The following STYXL2 variants were observed in gnomAD, a reference collection of about 807,000 sequenced individuals.
STYXL2 encodes serine/threonine/tyrosine interacting like 2.
Under a neutral mutation model 52.4 loss-of-function variants are expected in STYXL2, and 44 were observed. The observed-to-expected ratio is 0.84, with a 90% CI of 0.66 to 1.08. The LOEUF is 1.08. Ranked by LOEUF, STYXL2 falls within the 50% of genes least tolerant of loss-of-function variation. The pLI, the probability that STYXL2 is intolerant of heterozygous loss-of-function variation, is 0.00. For synonymous variants in STYXL2, 604 were observed against 586.9 expected (o/e 1.03, Z -0.42); for missense variants, 1,604 against 1,471.7 (o/e 1.09, Z -1.47).
chr1:167,110,225 A>T (rs1667588901), intron 2 of STYXL2, among the ~76,000 whole-genome samples: 2 of 152,236 alleles, frequency 1.3e-5, no homozygotes, highest in Admixed American at 1.3e-4. Flanking sequence ...TCTGAACAGT[A>T]GCCCTTGAGC....
Position 167,126,773 on chromosome 1 carries a change from A to C in STYXL2, c.1642A>C (p.Lys548Gln). 1.2e-6 allele frequency: 2 copies of C among 1,614,200 alleles called. No homozygotes were observed. Among genetic ancestry groups the C allele is most frequent in the Non-Finnish European group, 1.7e-6 (2 of 1,180,042 alleles). ...KDKLTALERWKIKRIQFGFHK... is the reference protein window; with the variant it reads ...KDKLTALERWQIKRIQFGFHK... ...CAAGCTCACTGCCCTGGAAAGATGG[A>C]AGATCAAGAGAATCCAATTTGGATT... The change falls in exon 6 of 6, where the codon AAG becomes CAG. Residue 548 changes from lysine (K) to glutamine (Q), a missense_variant. By Grantham distance (53) the Lys-to-Gln change is moderately conservative. Coordinates refer to ENST00000361200, the MANE Select transcript of STYXL2 (RefSeq NM_001080426.3).
chr1:167,098,201 G>C (rs181264513), intron 2 of STYXL2, among the ~76,000 whole-genome samples: 1 of 151,838 alleles, frequency 6.6e-6, no homozygotes, highest in Non-Finnish European at 1.5e-5. Flanking sequence ...TAGTAGAGAC[G>C]GGGTTTCACC....
chr1:167,119,232 C>T lies in STYXL2; in HGVS notation c.438-17C>T, dbSNP rs373687422. 44 of 1,612,910 alleles carry T rather than the reference C, an allele frequency of 2.7e-5. No homozygotes were observed. In the African/African-American group the frequency reaches 4.1e-4, roughly 15 times the overall value. ...TAGTTCCGACTCTTGCAAACAGGTC[C>T]CTGCCTCTTCCCGCAGGAGTGTGGC... On this transcript the variant is annotated splice_polypyrimidine_tract_variant and intron_variant, in intron 4 of 5. Coordinates refer to ENST00000361200, the MANE Select transcript of STYXL2 (RefSeq NM_001080426.3).
At position 167,128,516 on chromosome 1, in the gene STYXL2, G is replaced by A; in HGVS notation, c.3385G>A (p.Glu1129Lys). Reference sequence around the variant, plus strand: ...TCGGAGAAGCACTGACAGGGAGGAAGAGGAAGAAATGGACGATGAAGCCAT... The same window carrying A: ...TCGGAGAAGCACTGACAGGGAGGAAAAGGAAGAAATGGACGATGAAGCCAT... ...QYRRSTDREEEEEMDDEAIIA... is the reference protein window; with the variant it reads ...QYRRSTDREEKEEMDDEAIIA... Residue 1129 changes from glutamate (E) to lysine (K), a missense_variant, in exon 6 of 6, where the codon GAG (glutamate) becomes AAG (lysine). Glu to Lys is a moderately conservative substitution (Grantham distance 56, BLOSUM62 1). Transcript: ENST00000361200. 1 of 1,614,050 alleles carries A rather than the reference G, an allele frequency of 6.2e-7. No homozygotes were observed. Among genetic ancestry groups the A allele is most frequent in the Non-Finnish European group, 8.5e-7 (1 of 1,180,032 alleles).
chr1:167,094,895 G>C lies in STYXL2; in HGVS notation c.46G>C (p.Glu16Gln), dbSNP rs779308775. ...DTEEEQVVPS[E>Q]EDEANVRAVQ... The stretch of plus-strand genomic sequence containing the variant: ...AGAGGAGGAGCAGGTAGTCCCAAGC[G>C]AGGAGGACGAAGCCAACGTGAGGGC... Residue 16 changes from glutamate to glutamine, a missense_variant, in exon 2 of 6, where the codon GAG becomes CAG. Physicochemically the swap from Glu to Gln is conservative, Grantham distance 29. Coordinates refer to ENST00000361200, the MANE Select transcript of STYXL2 (RefSeq NM_001080426.3). The C allele has an allele frequency of 1.9e-6, 3 of 1,613,336 alleles. No individual in the cohort carries two copies. The highest frequency in any genetic ancestry group is 2.5e-6 in the Non-Finnish European group (3 of 1,179,826).
In STYXL2 at chr1:167,127,296, G is replaced by T; in HGVS notation, c.2165G>T (p.Ser722Ile). ...CCTGGAGACACCATTTCCATTGCCA[G>T]TATCCAGAACTGGATTGCCAATGTA... ...VGPGDTISIA[S>I]IQNWIANVVS... is the part of the protein sequence containing the mutation. Residue 722 changes from serine (S) to isoleucine (I), a missense_variant, in exon 6 of 6, where the codon AGT becomes ATT. Physicochemically the swap from Ser to Ile is moderately radical, Grantham distance 142 (BLOSUM62 -2). Coordinates refer to ENST00000361200, the MANE Select transcript of STYXL2 (RefSeq NM_001080426.3). 1 of 1,614,224 alleles carries T rather than the reference G, an allele frequency of 6.2e-7. No individual in the cohort carries two copies. The highest frequency in any genetic ancestry group is 8.5e-7 in the Non-Finnish European group (1 of 1,180,050).
At chr1:167,114,025 G>A (rs1195595189) in intron 3 of STYXL2, among the ~76,000 whole-genome samples, 1 of 152,182 alleles carries the variant, frequency 6.6e-6, no homozygotes, top group Admixed American at 6.5e-5. Context: ...AACCAGAGAG[G>A]CAGCACCAAT....
chr1:167,122,507 G>A (rs1429708235), intron 5 of STYXL2, among the ~76,000 whole-genome samples: 2 of 152,094 alleles, frequency 1.3e-5, no homozygotes, highest in East Asian at 3.9e-4. Context: ...TACAGGTGTG[G>A]AGGGGGATAC....
chr1:167,126,671 A>G lies in STYXL2; in HGVS notation c.1540A>G (p.Arg514Gly). ...AGACAGGAGCTCAGAAGCAGGGAGC[A>G]GGGTGCGGGAGGATGATGAGGACAG... ...AADRSSEAGS[R>G]VREDDEDSVG... Residue 514 changes from arginine (R) to glycine (G), a missense_variant, in exon 6 of 6, where the codon AGG becomes GGG. Coordinates refer to ENST00000361200, the MANE Select transcript of STYXL2 (RefSeq NM_001080426.3). 1 of 1,614,158 alleles carries G rather than the reference A, an allele frequency of 6.2e-7. No individual in the cohort carries two copies. Among genetic ancestry groups the G allele is most frequent in the Non-Finnish European group, 8.5e-7 (1 of 1,180,018 alleles).
intron 2 of STYXL2, among the ~76,000 whole-genome samples, chr1:167,103,465 T>C (rs1400724019): frequency 6.6e-6 from 1 of 152,164 alleles, no homozygotes; most frequent in Non-Finnish European, 1.5e-5. Flanking sequence ...GTACCCTGCT[T>C]GCTGTCCTGG....
intron 2 of STYXL2, among the ~76,000 whole-genome samples, chr1:167,113,003 C>T (rs1164449293): frequency 6.6e-6 from 1 of 152,130 alleles, no homozygotes; most frequent in African/African-American, 2.4e-5. Flanking sequence ...AGTCCCAGGT[C>T]TTGTGTCTGC....
intron 2 of STYXL2, among the ~76,000 whole-genome samples, chr1:167,095,703 A>G (rs983778617): frequency 6.6e-6 from 1 of 152,250 alleles, no homozygotes; most frequent in Non-Finnish European, 1.5e-5. Flanking sequence ...GTCATAAATC[A>G]TAACAGGAGA....
Position 167,126,002 on chromosome 1 carries a change from G to A in STYXL2, c.871G>A (p.Gly291Arg), listed in dbSNP as rs201078029. The change falls in exon 6 of 6, where the codon GGA (glycine) becomes AGA (arginine). Residue 291 changes from glycine (G) to arginine (R), a missense_variant. Gly to Arg is a moderately radical substitution (Grantham distance 125). Transcript: ENST00000361200. ...EREEDYGREG[G>R]SAEAEEGEGT... ...AGAAGAGGACTATGGCCGGGAGGGG[G>A]GATCAGCTGAGGCTGAGGAGGGCGA... The A allele has an allele frequency of 6.2e-7, 1 of 1,610,080 alleles. No homozygotes were observed. The highest frequency in any genetic ancestry group is 8.5e-7 in the Non-Finnish European group (1 of 1,178,158).
chr1:167,126,712 C>G lies in STYXL2; in HGVS notation c.1581C>G (p.Ala527=). 6.2e-7 allele frequency: 1 copy of G among 1,614,182 alleles called. No individual in the cohort carries two copies. The highest frequency in any genetic ancestry group is 8.5e-7 in the Non-Finnish European group (1 of 1,180,032). The change falls in exon 6 of 6, where the codon GCC becomes GCG. Residue 527 remains alanine (A), a synonymous_variant. Coordinates refer to ENST00000361200, the MANE Select transcript of STYXL2 (RefSeq NM_001080426.3). ...ATGAGGACAGCGTGGGCTCTGAGGCCAGTTCCTTCTACAACTTCTGCAGCA... is the reference window on the plus strand; with the variant it reads ...ATGAGGACAGCGTGGGCTCTGAGGCGAGTTCCTTCTACAACTTCTGCAGCA... ...EDDEDSVGSE[A]SSFYNFCSRN... is the part of the protein sequence containing the mutation.
intron 3 of STYXL2, among the ~76,000 whole-genome samples, chr1:167,117,017 C>T (rs1399936885): frequency 6.6e-6 from 1 of 152,088 alleles, no homozygotes; most frequent in Non-Finnish European, 1.5e-5. Context: ...AATCAAAGTA[C>T]ACCTAATACT....
At chr1:167,100,858 G>A (rs1667388750) in intron 2 of STYXL2, among the ~76,000 whole-genome samples, 1 of 152,184 alleles carries the variant, frequency 6.6e-6, no homozygotes, top group African/African-American at 2.4e-5. Flanking sequence ...CAAACATGTG[G>A]TGGCACTTCA....
At position 167,126,507 on chromosome 1, in the gene STYXL2, G is replaced by T. The variant is rs775976978; in HGVS notation, c.1376G>T (p.Arg459Leu). 1 of 1,611,754 alleles carries T rather than the reference G, an allele frequency of 6.2e-7. No individual in the cohort carries two copies. The highest frequency in any genetic ancestry group is 1.7e-5 in the Admixed American group (1 of 59,662). Residue 459 changes from arginine (R) to leucine (L), a missense_variant, in exon 6 of 6, where the codon CGC becomes CTC. Coordinates refer to ENST00000361200, the MANE Select transcript of STYXL2 (RefSeq NM_001080426.3). ...WVLKQQLELN[R>L]PDHGRRRRAD... ...CTGAAGCAGCAGCTGGAGCTGAACC[G>T]CCCGGACCACGGCAGGAGGCGCCGC...
intron 5 of STYXL2, among the ~76,000 whole-genome samples, chr1:167,121,505 C>T (rs892009537): frequency 6.6e-6 from 1 of 152,238 alleles, no homozygotes; most frequent in Non-Finnish European, 1.5e-5. Flanking sequence ...GGCGGTCCCC[C>T]GCAGCATCCC....
chr1:167,100,367 G>A lies in STYXL2; in HGVS notation c.110+5408G>A, dbSNP rs77959184. 4.1e-4 allele frequency among the ~76,000 whole-genome samples: 63 copies of A among 152,286 alleles called. 2 individuals are homozygous for A. In the East Asian group the frequency reaches 0.011, roughly 26 times the overall value. On this transcript the variant is annotated intron_variant, in intron 2 of 5. Coordinates refer to ENST00000361200, the MANE Select transcript of STYXL2 (RefSeq NM_001080426.3). ...GAGGACAAACCATAGAATTGCCCTA[G>A]GAAATACGTATTTTATTAACTGCCT... is the stretch of plus-strand genomic sequence containing the variant.
Sources: allele counts gnomAD v4.1 joint callset (sites outside exome capture counted in the v4.1 genomes callset), GRCh38; gene constraint gnomAD v4.1.1; transcripts MANE v1.5; gene names NCBI Gene and HGNC (gene_info 2026-07-23, HGNC 2026-07-21).